The following RTTN variants were observed in gnomAD, a reference collection of about 807,000 sequenced individuals.
RTTN encodes rotatin.
A neutral mutation model predicts 269.2 loss-of-function variants in RTTN; 182 were observed. That is an observed-to-expected ratio of 0.68 (90% CI 0.60 to 0.76). The LOEUF (loss-of-function observed/expected upper bound fraction) is 0.76, where lower values mean the gene tolerates loss of function less well. Among genes scored for constraint, RTTN ranks in the 30% least tolerant of loss-of-function variants. The probability of loss-of-function intolerance (pLI) is 0.00; values close to 1 mark genes in which losing one functional copy is unlikely to be tolerated. For synonymous variants in RTTN, 1,006 were observed against 963.5 expected (o/e 1.04, Z -0.82); for missense variants, 2,545 against 2,608.6 (o/e 0.98, Z 0.53).
intron 10 of RTTN, among the ~76,000 whole-genome samples, chr18:70,177,312 A>G (rs1599926543): frequency 1.3e-5 from 2 of 152,218 alleles, no homozygotes; most frequent in African/African-American, 4.8e-5. Flanking sequence ...ATTGATACCA[A>G]CATTTCTAAA....
At chr18:70,043,395 T>C (rs191237333) in intron 40 of RTTN, among the ~76,000 whole-genome samples, 1 of 152,158 alleles carries the variant, frequency 6.6e-6, no homozygotes, top group East Asian at 1.9e-4. Flanking sequence ...TATATCAATA[T>C]TAGGAGAATG....
chr18:70,161,242 G>A lies in RTTN; in HGVS notation c.1929+4820C>T, dbSNP rs369897400. Among the ~76,000 whole-genome samples the A allele has an allele frequency of 5.1e-4, 78 of 152,136 alleles. 1 individual carries two copies. In the South Asian group the frequency reaches 7.5e-3, roughly 15 times the overall value. ...TGAAAAGACAACAATAACAAACAAC[G>A]GGGAAATAACTCCCTACTCAGTAAA... is the stretch of plus-strand genomic sequence containing the variant. On this transcript the variant is annotated intron_variant, in intron 14 of 48. Coordinates refer to ENST00000640769, the MANE Select transcript of RTTN (RefSeq NM_173630.4).
In RTTN at chr18:70,088,025, A is replaced by G. The variant is rs752028579; in HGVS notation, c.4266T>C (p.Leu1422=). The G allele has an allele frequency of 2.0e-5, 33 of 1,613,714 alleles. No individual in the cohort carries two copies. Among genetic ancestry groups the G allele is most frequent in the Non-Finnish European group, 2.3e-5 (27 of 1,179,858 alleles). Reference sequence around the variant, plus strand: ...CCATACTACATTCTGACTGGTCCAGAAGAATGTTCACCACAGTTCCCCAGA... The same window carrying G: ...CCATACTACATTCTGACTGGTCCAGGAGAATGTTCACCACAGTTCCCCAGA... ...GGLWGTVVNI[L]LDQSECSMVR... is the part of the protein sequence containing the mutation. The change falls in exon 31 of 49, where the codon CTT becomes CTC. Residue 1422 remains leucine, a synonymous_variant. Coordinates refer to ENST00000640769, the MANE Select transcript of RTTN (RefSeq NM_173630.4).
At chr18:70,004,275 T>C (rs775483470) in intron 48 of RTTN, 39 bp from the exon 49 acceptor site, 1 of 1,427,756 alleles carries the variant, frequency 7.0e-7, no homozygotes, top group Non-Finnish European at 9.9e-7. Context: ...TACTAGTTTA[T>C]GAAACTTGGT....
intron 38 of RTTN, among the ~76,000 whole-genome samples, chr18:70,051,935 A>T (rs986433464): frequency 6.6e-6 from 1 of 152,148 alleles, no homozygotes; most frequent in Non-Finnish European, 1.5e-5. Flanking sequence ...TATTTCCTTT[A>T]TCCCCTCCAG....
chr18:70,169,764 T>C (rs958816773), intron 11 of RTTN, among the ~76,000 whole-genome samples: 1 of 152,174 alleles, frequency 6.6e-6, no homozygotes, highest in Non-Finnish European at 1.5e-5. Context: ...AAAATGGTTC[T>C]AGTTTTGTGA....
chr18:70,051,147 C>T (rs1316839234), intron 39 of RTTN, among the ~76,000 whole-genome samples: 1 of 152,150 alleles, frequency 6.6e-6, no homozygotes, highest in Non-Finnish European at 1.5e-5. Flanking sequence ...GGGATGACAT[C>T]TTTAAAAAGC....
intron 35 of RTTN, among the ~76,000 whole-genome samples, chr18:70,060,814 CT>C (rs74633560): frequency 2.9e-3 from 419 of 145,180 alleles, no homozygotes; most frequent in Middle Eastern, 7.1e-3. Flanking sequence ...ATGAGTTCAA[CT>C]TTTTTTTTTT....
intron 35 of RTTN, among the ~76,000 whole-genome samples, chr18:70,064,158 T>C (rs999219211): frequency 1.3e-5 from 2 of 151,360 alleles, no homozygotes; most frequent in African/African-American, 4.9e-5. Flanking sequence ...GGCAACATGA[T>C]GAAACCCAAG....
chr18:70,139,180 C>T lies in RTTN; in HGVS notation c.2788+419G>A, dbSNP rs1483308277. The stretch of plus-strand genomic sequence containing the variant: ...TAGTTTCTACTCACACAGGTTGAGC[C>T]TATACTCTTAACACCTGTCAAATGA... On this transcript the variant is annotated intron_variant, in intron 21 of 48. Transcript: ENST00000640769. Among the ~76,000 whole-genome samples, 10 of 152,138 alleles carry T rather than the reference C, an allele frequency of 6.6e-5. No individual in the cohort carries two copies. The East Asian group carries it at 1.9e-3, about 29-fold the overall frequency.
chr18:70,152,981 A>T (rs541223337), intron 14 of RTTN, among the ~76,000 whole-genome samples: 76 of 152,282 alleles, frequency 5.0e-4, no homozygotes, highest in African/African-American at 1.8e-3. Context: ...CCAATCTGGT[A>T]CCATTTTTCT....
chr18:70,149,031 C>T lies in RTTN; in HGVS notation c.2179G>A (p.Ala727Thr), dbSNP rs754464053. ...TTACCCAGAGGATCTTCTGTGTCGG[C>T]ATAGCCCTAATAGATTTGTTTTTAA... The part of the protein sequence containing the change: ...CPVIPILQGY[A>T]DTEDPLGNCI... The change falls in exon 17 of 49, where the codon GCC becomes ACC. Residue 727 changes from alanine (A) to threonine (T), a missense_variant. Transcript: ENST00000640769. 2 of 1,612,674 alleles carry T rather than the reference C, an allele frequency of 1.2e-6. No individual in the cohort carries two copies. Among genetic ancestry groups the T allele is most frequent in the Non-Finnish European group, 1.7e-6 (2 of 1,179,176 alleles).
intron 10 of RTTN, among the ~76,000 whole-genome samples, chr18:70,183,860 T>C (rs1314529591): frequency 6.6e-6 from 1 of 152,204 alleles, no homozygotes; most frequent in Admixed American, 6.5e-5. Flanking sequence ...CTCAAACTTC[T>C]GGGTTCGAGT....
intron 48 of RTTN, among the ~76,000 whole-genome samples, chr18:70,004,835 A>G (rs752801194): frequency 4.0e-5 from 6 of 149,384 alleles, no homozygotes; most frequent in Non-Finnish European, 5.9e-5. Context: ...AACAGGATCA[A>G]TTCTTGGAAG....
In RTTN at chr18:70,017,585, T is replaced by C. The variant is rs1490452252; in HGVS notation, c.6243A>G (p.Leu2081=). 15 of 1,613,854 alleles carry C rather than the reference T, an allele frequency of 9.3e-6. No individual in the cohort carries two copies. The Admixed American group carries it at 2.2e-4, about 23-fold the overall frequency. ...LSNLTILWLK[L]LLNISSGEDG... Reference sequence around the variant, plus strand: ...CTTCTCCAGATGATATATTCAGGAGTAACTTCAACCAAAGAATAGTCAGAT... The same window carrying C: ...CTTCTCCAGATGATATATTCAGGAGCAACTTCAACCAAAGAATAGTCAGAT... Residue 2081 remains leucine (L), a synonymous_variant, in exon 46 of 49, where the codon TTA becomes TTG. Coordinates refer to ENST00000640769, the MANE Select transcript of RTTN (RefSeq NM_173630.4).
intron 23 of RTTN, chr18:70,131,424 C>T (rs2059996188): frequency 6.6e-6 from 1 of 150,906 alleles, no homozygotes; most frequent in African/African-American, 2.4e-5. Flanking sequence ...TTAATGTGTT[C>T]TAAGGTCCTT....
intron 43 of RTTN, among the ~76,000 whole-genome samples, chr18:70,026,959 C>G (rs1365737141): frequency 1.3e-5 from 2 of 152,274 alleles, no homozygotes; most frequent in East Asian, 3.9e-4. Context: ...GTCTCTCACA[C>G]CTGTGCTCTG....
chr18:70,188,126 G>A lies in RTTN; in HGVS notation c.1287C>T (p.Ser429=). ...TTCTTACCATATCTATACCAAAAAG[G>A]CTGCTGTCATCCCAGATATCTGTTG... ...AISTDIWDDS[S]LFGIDMKEKL... Residue 429 remains serine, a synonymous_variant, in exon 10 of 49, where the codon AGC becomes AGT. Coordinates refer to ENST00000640769, the MANE Select transcript of RTTN (RefSeq NM_173630.4). 6.3e-7 allele frequency: 1 copy of A among 1,595,998 alleles called. No homozygotes were observed. Among genetic ancestry groups the A allele is most frequent in the Non-Finnish European group, 8.6e-7 (1 of 1,164,016 alleles).
At chr18:70,117,633 C>G (rs1405574592) in intron 26 of RTTN, among the ~76,000 whole-genome samples, 1 of 152,016 alleles carries the variant, frequency 6.6e-6, no homozygotes, top group Non-Finnish European at 1.5e-5. Flanking sequence ...GTACAATCAT[C>G]TAGAGTCTTG....
Sources: allele counts gnomAD v4.1 joint callset (sites outside exome capture counted in the v4.1 genomes callset), GRCh38; gene constraint gnomAD v4.1.1; transcripts MANE v1.5; gene names NCBI Gene and HGNC (gene_info 2026-07-23, HGNC 2026-07-21).